C12orf56: variants seen among roughly 807,000 people sequenced by gnomAD.
C12orf56 encodes chromosome 12 open reading frame 56.
C12orf56 carries 71 observed loss-of-function variants against 69.9 expected under a neutral mutation model. The observed-to-expected ratio is 1.02, with a 90% CI of 0.84 to 1.24. The LOEUF is 1.24. Among genes scored for constraint, C12orf56 ranks in the 50% most tolerant of loss-of-function variants. C12orf56 has a pLI of 0.00. For missense variants in C12orf56, 732 were observed against 738.5 expected (o/e 0.99, Z 0.10); for synonymous variants, 276 against 274.1 (o/e 1.01, Z -0.07).
intron 5 of C12orf56, among the ~76,000 whole-genome samples, chr12:64,310,348 T>G: frequency 6.6e-6 from 1 of 152,144 alleles, no homozygotes; most frequent in East Asian, 1.9e-4. Context: ...CACTGAAGAT[T>G]GTTAAATGAA....
chr12:64,353,150 T>A, intron 1 of C12orf56, 94 bp from the exon 2 acceptor site: 24 of 1,212,862 alleles, frequency 2.0e-5, no homozygotes, highest in Non-Finnish European at 2.8e-5. Context: ...GCAAGTTTTT[T>A]TTTTCCACAT....
At chr12:64,348,880 G>A (rs1245288945) in intron 2 of C12orf56, among the ~76,000 whole-genome samples, 1 of 152,188 alleles carries the variant, frequency 6.6e-6, no homozygotes, top group Non-Finnish European at 1.5e-5. Flanking sequence ...TTTTGAGATT[G>A]TGACATTGGA....
intron 1 of C12orf56, among the ~76,000 whole-genome samples, chr12:64,364,980 T>C (rs1332033256): frequency 6.6e-6 from 1 of 152,014 alleles, no homozygotes. Flanking sequence ...AATTCTATCC[T>C]TGTGGCCAGA....
At chr12:64,330,576 GC>G (rs2038916638) in intron 3 of C12orf56, among the ~76,000 whole-genome samples, 1 of 152,140 alleles carries the variant, frequency 6.6e-6, no homozygotes, top group Non-Finnish European at 1.5e-5. Context: ...TTGTGCAAAT[GC>G]TGTATATCTT....
chr12:64,326,342 C>T (rs1195066051), intron 3 of C12orf56, among the ~76,000 whole-genome samples: 1 of 152,158 alleles, frequency 6.6e-6, no homozygotes, highest in East Asian at 1.9e-4. Flanking sequence ...CAAAATTCTA[C>T]AAATAGAACT....
At chr12:64,387,330 A>G (rs1399913538) in intron 1 of C12orf56, among the ~76,000 whole-genome samples, 1 of 152,178 alleles carries the variant, frequency 6.6e-6, no homozygotes, top group African/African-American at 2.4e-5. Flanking sequence ...ATGGACATTC[A>G]AGCTACCAAC....
chr12:64,356,170 CAAAAAAAAAAAAAAA>C (rs761289428), intron 1 of C12orf56, among the ~76,000 whole-genome samples: 1 of 48,432 alleles, frequency 2.1e-5, no homozygotes, highest in African/African-American at 9.4e-5. Context: ...GACTCCATCT[CAAAAAAAAAAAAAAA>C]AAAAAAAAAA....
chr12:64,390,555 G>T lies in C12orf56; in HGVS notation c.11C>A (p.Pro4His). 6.3e-7 allele frequency: 1 copy of T among 1,584,646 alleles called. No homozygotes were observed. Among genetic ancestry groups the T allele is most frequent in the Non-Finnish European group, 8.5e-7 (1 of 1,171,618 alleles). The change falls in exon 1 of 13, where the codon CCC becomes CAC. Residue 4 changes from proline to histidine, a missense_variant. By Grantham distance (77) the Pro-to-His change is moderately conservative. Transcript: ENST00000543942. ...GCGCGCGGGGAAGCCGGACGGCAAGGGGCTGGCCATGCCCGGCGCCCGCAG... is the reference window on the plus strand; with the variant it reads ...GCGCGCGGGGAAGCCGGACGGCAAGTGGCTGGCCATGCCCGGCGCCCGCAG... MAS[P>H]LPSGFPARRN...
At chr12:64,331,934 T>C (rs112045010) in intron 2 of C12orf56, among the ~76,000 whole-genome samples, 5,118 of 149,482 alleles carry the variant, frequency 0.034, 128 homozygotes, top group Non-Finnish European at 0.048. Flanking sequence ...ACCATGAGGG[T>C]TCTTATCCTT....
chr12:64,336,151 A>T (rs2038993581), intron 2 of C12orf56, among the ~76,000 whole-genome samples: 1 of 152,230 alleles, frequency 6.6e-6, no homozygotes, highest in African/African-American at 2.4e-5. Flanking sequence ...GGAAGAACAG[A>T]AAACATACAG....
intron 7 of C12orf56, 53 bp from the exon 8 acceptor site, chr12:64,284,806 C>T: frequency 1.5e-6 from 2 of 1,353,436 alleles, no homozygotes; most frequent in Non-Finnish European, 2.0e-6. Flanking sequence ...ATTAGAAGCT[C>T]AGAATTCCAC....
chr12:64,351,133 G>T (rs2039216708), intron 2 of C12orf56, among the ~76,000 whole-genome samples: 1 of 152,094 alleles, frequency 6.6e-6, no homozygotes, highest in Non-Finnish European at 1.5e-5. Flanking sequence ...CACACATCCT[G>T]CCATTTGGGA....
At chr12:64,321,781 G>A (rs1394506020) in intron 3 of C12orf56, among the ~76,000 whole-genome samples, 1 of 152,060 alleles carries the variant, frequency 6.6e-6, no homozygotes, top group African/African-American at 2.4e-5. Context: ...ACTTTGGTAT[G>A]TATTGGCATT....
rs182480762 is a variant in C12orf56 at position 64,367,270 on chromosome 12, T to A, written c.253-14214A>T. 6.1e-3 allele frequency among the ~76,000 whole-genome samples: 641 copies of A among 104,430 alleles called. 1 individual carries two copies. Among genetic ancestry groups the A allele is most frequent in the South Asian group, 0.011 (38 of 3,362 alleles). 68.5% of individuals were successfully genotyped at this position (104,430 alleles called of 152,430 possible). ...TTTATATATTATATATAATATACAG[T>A]TTATATATTATATATAATATACAGT... On this transcript the variant is annotated intron_variant, in intron 1 of 12. Transcript: ENST00000543942.
At chr12:64,319,775 T>C (rs573624030) in intron 3 of C12orf56, among the ~76,000 whole-genome samples, 13 of 152,230 alleles carry the variant, frequency 8.5e-5, no homozygotes, top group Non-Finnish European at 1.8e-4. Context: ...GCCAGTCATC[T>C]ATCGCCTGAG....
intron 8 of C12orf56, among the ~76,000 whole-genome samples, chr12:64,283,012 C>T (rs887666690): frequency 6.6e-6 from 1 of 151,450 alleles, no homozygotes; most frequent in African/African-American, 2.4e-5. Context: ...CATGGTGGTG[C>T]ACGCCTGTAA....
chr12:64,275,706 C>A (rs10878133), intron 9 of C12orf56, among the ~76,000 whole-genome samples: 148,912 of 152,270 alleles, frequency 0.98, 72,901 homozygotes, highest in Middle Eastern at 1. Flanking sequence ...GAGCCCAACC[C>A]ATCCTTTCAC....
At chr12:64,308,552 C>A (rs1399371169) in intron 5 of C12orf56, among the ~76,000 whole-genome samples, 2 of 151,110 alleles carry the variant, frequency 1.3e-5, no homozygotes, top group Admixed American at 6.6e-5. Flanking sequence ...TATAAGAAAT[C>A]CCATGTACCC....
chr12:64,326,596 G>A (rs1565757441), intron 3 of C12orf56, among the ~76,000 whole-genome samples: 2 of 152,054 alleles, frequency 1.3e-5, no homozygotes, highest in Non-Finnish European at 2.9e-5. Flanking sequence ...AATTAGCTGG[G>A]TGTGGTGGCG....
Sources: allele counts gnomAD v4.1 joint callset (sites outside exome capture counted in the v4.1 genomes callset), GRCh38; gene constraint gnomAD v4.1.1; transcripts MANE v1.5; gene names NCBI Gene and HGNC (gene_info 2026-07-23, HGNC 2026-07-21).